Variants in MYO1C observed in about 807,000 individuals in gnomAD.
MYO1C encodes unconventional myosin-Ic.
MYO1C carries 104 observed loss-of-function variants against 150.8 expected under a neutral mutation model. The ratio of observed to expected loss-of-function variants is 0.69; its 90% CI spans 0.59 to 0.81. The LOEUF is 0.81. MYO1C is among the 30% of genes least tolerant of loss of function. The pLI is 0.00. For synonymous variants in MYO1C, 663 were observed against 579.9 expected, an observed-to-expected ratio of 1.14 and a Z score of -2.06; for missense variants, 1,504 against 1,435.0, an observed-to-expected ratio of 1.05 and a Z score of -0.78.
At position 1,478,706 on chromosome 17, in the gene MYO1C, G is replaced by A. The variant is rs769682970; in HGVS notation, c.1122C>T (p.Ala374=). ...ELLSPLNLEQ[A]AYARDALAKA... is the part of the protein sequence containing the mutation. ...TGGCGAGGGCGTCTCGTGCGTACGC[G>A]GCCTGCTCCAGGTTCAGCGGGCTCA... The change falls in exon 10 of 32, where the codon GCC becomes GCT. Residue 374 remains alanine (A), a synonymous_variant. Transcript: ENST00000648651. This position sits in a 1 kb window ranked among gnomAD's most constrained non-coding sequence, Gnocchi z 6.3. 39 of 1,614,146 alleles carry A rather than the reference G, an allele frequency of 2.4e-5. No individual in the cohort carries two copies. The East Asian group carries it at 2.5e-4, about 10-fold the overall frequency.
At position 1,466,066 on chromosome 17, in the gene MYO1C, C is replaced by T. The variant is rs545043247; in HGVS notation, c.3166-314G>A. On this transcript the variant is annotated intron_variant, in intron 31 of 31. Transcript: ENST00000648651. ...ACCTGACTCCCATAGGAATGCCCAC[C>T]GCCCTGGCCAGCGTGAGCCTGTGAG... 6.4e-4 allele frequency among the ~76,000 whole-genome samples: 98 copies of T among 152,164 alleles called. 1 individual carries two copies. The South Asian group carries it at 0.019, about 29-fold the overall frequency.
rs371458391 is a variant in MYO1C at position 1,471,083 on chromosome 17, G to A, written c.2200C>T (p.Arg734Trp). ...FATEDALEVR[R>W]QSLATKIQAA... ...GCCTCTCTCTCACCCAGGCTCTGCC[G>A]CCGGACCTCCAGGGCATCCTCTGTG... is the stretch of plus-strand genomic sequence containing the variant. The change falls in exon 21 of 32, where the codon CGG becomes TGG. Residue 734 changes from arginine (R) to tryptophan (W), a missense_variant. Physicochemically the swap from Arg to Trp is moderately radical, Grantham distance 101. Transcript: ENST00000648651. The A allele has an allele frequency of 1.1e-5, 18 of 1,613,942 alleles. No homozygotes were observed. Among genetic ancestry groups the A allele is most frequent in the African/African-American group, 2.7e-5 (2 of 74,886 alleles).
intron 19 of MYO1C, 140 bp from the exon 20 acceptor site, chr17:1,471,476 C>T: frequency 1.4e-6 from 1 of 728,680 alleles, no homozygotes; most frequent in Non-Finnish European, 2.4e-6. Context: ...TCACTGCCCC[C>T]ATTTTAAAGA....
At chr17:1,485,183 A>G in intron 1 of MYO1C, 1 of 1,188,424 alleles carries the variant, frequency 8.4e-7, no homozygotes, top group Non-Finnish European at 1.1e-6. Flanking sequence ...AGGCTGAGCA[A>G]GACCCTCGCC....
intron 17 of MYO1C, among the ~76,000 whole-genome samples, chr17:1,474,124 C>T (rs994120870): frequency 3.9e-5 from 6 of 151,982 alleles, no homozygotes; most frequent in Non-Finnish European, 7.4e-5. Context: ...ACACAGCACA[C>T]ACACACAAGT....
chr17:1,469,885 A>G (rs990039933), intron 24 of MYO1C, among the ~76,000 whole-genome samples: 1 of 152,186 alleles, frequency 6.6e-6, no homozygotes, highest in Non-Finnish European at 1.5e-5. Context: ...AAATAAAAAA[A>G]TTAGCCGGGC....
rs115392502 is a variant in MYO1C at position 1,479,064 on chromosome 17, G to T, written c.1093-329C>A. Reference sequence around the variant, plus strand: ...AGTCTAGCTCTGTTGCCGTGATCTCGGCTCACTGCAACCTCCACCTCCCGG... The same window carrying T: ...AGTCTAGCTCTGTTGCCGTGATCTCTGCTCACTGCAACCTCCACCTCCCGG... On this transcript the variant is annotated intron_variant, in intron 9 of 31. Transcript: ENST00000648651. This position sits in a 1 kb window ranked among gnomAD's most constrained non-coding sequence, Gnocchi z 4.2. Among the ~76,000 whole-genome samples, 1 of 151,984 alleles carries T rather than the reference G, an allele frequency of 6.6e-6. No individual in the cohort carries two copies. Among genetic ancestry groups the T allele is most frequent in the Non-Finnish European group, 1.5e-5 (1 of 67,994 alleles).
intron 1 of MYO1C, among the ~76,000 whole-genome samples, chr17:1,486,370 C>T (rs1449911447): frequency 6.6e-6 from 1 of 152,120 alleles, no homozygotes; most frequent in Admixed American, 6.5e-5. Context: ...GCCGAGCGCG[C>T]GGAGTACCCG....
At chr17:1,480,318 G>T (rs1284529182) in intron 7 of MYO1C, among the ~76,000 whole-genome samples, 1 of 150,252 alleles carries the variant, frequency 6.7e-6, no homozygotes, top group Non-Finnish European at 1.5e-5. Context: ...CGTGGTGGCG[G>T]GCGCCTGTAA....
At chr17:1,482,193 T>C (rs2074536884) in intron 5 of MYO1C, among the ~76,000 whole-genome samples, 1 of 152,114 alleles carries the variant, frequency 6.6e-6, no homozygotes, top group Admixed American at 6.6e-5. Flanking sequence ...ACAACAGACA[T>C]GTGCCACCCT....
chr17:1,469,689 T>C, intron 24 of MYO1C, 75 bp from the exon 25 acceptor site: 8 of 1,212,860 alleles, frequency 6.6e-6, no homozygotes, highest in Non-Finnish European at 8.3e-6. Context: ...CATATGCTAC[T>C]GCATCCTTTG....
chr17:1,471,554 AC>A (rs925064210), intron 19 of MYO1C, among the ~76,000 whole-genome samples: 6 of 151,272 alleles, frequency 4.0e-5, no homozygotes, highest in African/African-American at 9.7e-5. Flanking sequence ...ATTCAGTTTG[AC>A]CCCCCAGGCC....
chr17:1,470,749 G>A (rs1234302357), intron 21 of MYO1C, 60 bp from the exon 22 acceptor site: 1 of 1,520,804 alleles, frequency 6.6e-7, no homozygotes, highest in East Asian at 2.3e-5. Flanking sequence ...GGAGCCTGGT[G>A]CCGTGTGCGC....
rs746865582 is a variant in MYO1C at position 1,468,508 on chromosome 17, A to AG, written c.2611-13dup. 1.5e-5 allele frequency: 24 copies of AG among 1,591,528 alleles called. No homozygotes were observed. In the Admixed American group the frequency reaches 2.3e-4, roughly 16 times the overall value. ...GCCTTCTGCTGCAGCTGAGGAGACA[A>AG]GGGGGGTGAGGAGAGTGTCATGGTG... On this transcript the variant is annotated splice_polypyrimidine_tract_variant and intron_variant, in intron 25 of 31. Coordinates refer to ENST00000648651, the MANE Select transcript of MYO1C (RefSeq NM_001080779.2).
intron 25 of MYO1C, chr17:1,468,854 A>G (rs2074236786): frequency 7.5e-6 from 3 of 398,116 alleles, no homozygotes; most frequent in Non-Finnish European, 1.4e-5. Context: ...GCCCTTTAGC[A>G]TCATCCAATA....
In MYO1C at chr17:1,472,000, C is replaced by A; in HGVS notation, c.1928G>T (p.Arg643Leu). Reference sequence around the variant, plus strand: ...CAGCCCCAGGTACTTCACCTGGTGGCGGATCAGCACCTCGTCAAAGCGGCC... The same window carrying A: ...CAGCCCCAGGTACTTCACCTGGTGGAGGATCAGCACCTCGTCAAAGCGGCC... ...QPGRFDEVLI[R>L]HQVKYLGLLE... is the part of the protein sequence containing the mutation. The change falls in exon 19 of 32, where the codon CGC becomes CTC. Residue 643 changes from arginine (R) to leucine (L), a missense_variant. By Grantham distance (102) the Arg-to-Leu change is moderately radical. Transcript: ENST00000648651. The A allele has an allele frequency of 6.2e-7, 1 of 1,614,024 alleles. No individual in the cohort carries two copies. Among genetic ancestry groups the A allele is most frequent in the Non-Finnish European group, 8.5e-7 (1 of 1,179,980 alleles).
chr17:1,478,348 G>T lies in MYO1C; in HGVS notation c.1295+62C>A. ...ACAGGGCAGGAATGAGAGGCTGGAG[G>T]ACAGAAGAGAGGGAGCAGGACAGGA... On this transcript the variant is annotated intron_variant, in intron 11 of 31. Transcript: ENST00000648651. The surrounding 1 kb of genome is among the most constrained non-coding windows in gnomAD (Gnocchi z 6.3). 6.3e-7 allele frequency: 1 copy of T among 1,599,954 alleles called. No individual in the cohort carries two copies. Among genetic ancestry groups the T allele is most frequent in the East Asian group, 2.2e-5 (1 of 44,814 alleles).
At chr17:1,491,394 C>T (rs1422055820) in intron 1 of MYO1C, among the ~76,000 whole-genome samples, 2 of 151,890 alleles carry the variant, frequency 1.3e-5, no homozygotes, top group African/African-American at 4.8e-5. Flanking sequence ...TCCCGCTCCC[C>T]GCAGGTAAAT....
At chr17:1,484,477 G>A (rs1487261321) in intron 1 of MYO1C, 174 bp from the exon 2 acceptor site, 14 of 738,038 alleles carry the variant, frequency 1.9e-5, no homozygotes, top group Admixed American at 4.7e-5. Flanking sequence ...GGGTGTGGTG[G>A]GCCGGGTGCG....
Sources: allele counts gnomAD v4.1 joint callset (sites outside exome capture counted in the v4.1 genomes callset), GRCh38; gene constraint gnomAD v4.1.1; non-coding constraint Gnocchi (gnomAD v3.1); transcripts MANE v1.5; gene names NCBI Gene and HGNC (gene_info 2026-07-23, HGNC 2026-07-21).